The following AP1AR variants were observed in gnomAD, a reference collection of about 807,000 sequenced individuals.
AP1AR encodes adaptor related protein complex 1 associated regulatory protein, also known as AP-1 complex-associated regulatory protein.
AP1AR carries 29 observed loss-of-function variants against 46.3 expected under a neutral mutation model. That is an observed-to-expected ratio of 0.63 (90% confidence interval 0.47 to 0.85). AP1AR has a LOEUF of 0.85. AP1AR is among the 40% of genes least tolerant of loss of function. The pLI is 0.00. For missense variants in AP1AR, 357 were observed against 356.3 expected (o/e 1.00, Z -0.02); for synonymous variants, 122 against 122.9 (o/e 0.99, Z 0.05).
chr4:112,231,801 A>C lies in AP1AR; in HGVS notation c.-291A>C. On this transcript the variant is annotated 5_prime_UTR_variant, in exon 1 of 10. Coordinates refer to ENST00000274000, the MANE Select transcript of AP1AR (RefSeq NM_018569.6). ...TGGAGGCGGTCACTCACGCTGGGCT[A>C]GGAGCTGAGGCGAGAAGGGCCATGC... The C allele has an allele frequency of 3.4e-6, 1 of 297,572 alleles. No individual in the cohort carries two copies. Among genetic ancestry groups the C allele is most frequent in the Non-Finnish European group, 6.2e-6 (1 of 162,234 alleles). The allele number at this position is 297,572 out of a possible 1,614,324, so 18.4% of individuals were successfully genotyped here. A position where few individuals can be genotyped will look rare whatever the true frequency, so the allele number is the denominator to read the frequency against.
intron 1 of AP1AR, among the ~76,000 whole-genome samples, chr4:112,239,712 C>T (rs757300975): frequency 6.6e-6 from 1 of 152,228 alleles, no homozygotes; most frequent in African/African-American, 2.4e-5. Flanking sequence ...GTGTATTCCT[C>T]GTTCACCATT....
At chr4:112,262,786 G>T (rs564516265) in intron 5 of AP1AR, among the ~76,000 whole-genome samples, 4 of 152,296 alleles carry the variant, frequency 2.6e-5, no homozygotes, top group South Asian at 4.1e-4. Flanking sequence ...AAGGAATTCC[G>T]TAATGTGTTT....
At chr4:112,243,628 A>G (rs1304938470) in intron 1 of AP1AR, among the ~76,000 whole-genome samples, 1 of 152,154 alleles carries the variant, frequency 6.6e-6, no homozygotes, top group African/African-American at 2.4e-5. Context: ...ATTCATTTCT[A>G]TTCCTGTGCA....
chr4:112,248,976 T>C (rs1197706943), intron 1 of AP1AR, among the ~76,000 whole-genome samples: 1 of 152,184 alleles, frequency 6.6e-6, no homozygotes, highest in Non-Finnish European at 1.5e-5. Flanking sequence ...AACCGAGAAG[T>C]CTGCCTTGAC....
intron 1 of AP1AR, among the ~76,000 whole-genome samples, chr4:112,244,301 G>A (rs754646111): frequency 6.6e-6 from 1 of 152,116 alleles, no homozygotes; most frequent in African/African-American, 2.4e-5. Flanking sequence ...AATTTTAATG[G>A]AAGAGCAAAG....
chr4:112,258,300 A>C (rs1560610500), intron 4 of AP1AR, among the ~76,000 whole-genome samples: 1 of 152,202 alleles, frequency 6.6e-6, no homozygotes, highest in Non-Finnish European at 1.5e-5. Context: ...ATACAATGTT[A>C]TATTATGAAC....
chr4:112,265,016 G>C lies in AP1AR; in HGVS notation c.389G>C (p.Arg130Thr), dbSNP rs964471374. 4.4e-6 allele frequency: 7 copies of C among 1,598,724 alleles called. No homozygotes were observed. The highest frequency in any genetic ancestry group is 3.6e-5 in the Admixed American group (2 of 56,254). ...TACATTATGTTTCCAAAGCAAGAAAGGCAGAGAATTGTGCAGCAATATCAT... is the reference window on the plus strand; with the variant it reads ...TACATTATGTTTCCAAAGCAAGAAACGCAGAGAATTGTGCAGCAATATCAT... ...AKQRKLLEQE[R>T]QRIVQQYHPS... Residue 130 changes from arginine (R) to threonine (T), a missense_variant, in exon 7 of 10, where the codon AGG (arginine) becomes ACG (threonine). This residue lies in a region of AP1AR where 269 missense variants were observed against 223.6 expected (regional missense o/e 1.20). Transcript: ENST00000274000.
Position 112,257,789 on chromosome 4 carries a change from C to A in AP1AR, c.177C>A (p.Ser59Arg). Residue 59 changes from serine to arginine, a missense_variant, in exon 4 of 10, where the codon AGC becomes AGA. By Grantham distance (110) the Ser-to-Arg change is moderately radical. Around this residue, in one of 2 missense-constraint regions of AP1AR, gnomAD observed 269 missense variants for 223.6 expected, o/e 1.20. Coordinates refer to ENST00000274000, the MANE Select transcript of AP1AR (RefSeq NM_018569.6). ...VESDEGESPG[S>R]SHRPLTEEEI... ...TTGTACAGGGGGAGAGCCCAGGAAG[C>A]AGTCATAGGTAAGGCTTTGTTAAAA... 1 of 1,560,976 alleles carries A rather than the reference C, an allele frequency of 6.4e-7. No homozygotes were observed. Among genetic ancestry groups the A allele is most frequent in the Non-Finnish European group, 8.6e-7 (1 of 1,157,546 alleles).
chr4:112,262,836 C>A, intron 5 of AP1AR, 152 bp from the exon 6 acceptor site: 1 of 606,884 alleles, frequency 1.6e-6, no homozygotes, highest in Non-Finnish European at 2.9e-6. Context: ...AAAATTTAAA[C>A]AATTGCAAAC....
At chr4:112,250,759 T>C (rs1240500996) in intron 1 of AP1AR, among the ~76,000 whole-genome samples, 3 of 152,218 alleles carry the variant, frequency 2.0e-5, no homozygotes, top group Non-Finnish European at 4.4e-5. Context: ...GTGAACAAAG[T>C]CTCAATCTAA....
In AP1AR at chr4:112,266,536, T is replaced by C. The variant is rs200453877; in HGVS notation, c.515-52T>C. 7.8e-5 allele frequency: 121 copies of C among 1,554,942 alleles called. 1 individual carries two copies. The highest frequency in any genetic ancestry group is 1.0e-4 in the Non-Finnish European group (117 of 1,148,086). ...AATTGTTACAAAATAAAACGGCTGT[T>C]GCGGTGGAAGAGTAGATGAGAGTAT... is the stretch of plus-strand genomic sequence containing the variant. On this transcript the variant is annotated intron_variant, in intron 8 of 9. Transcript: ENST00000274000.
Position 112,270,906 on chromosome 4 carries a change from G to A in AP1AR, c.*2497G>A, listed in dbSNP as rs1726920456. 6.6e-6 allele frequency among the ~76,000 whole-genome samples: 1 copy of A among 152,220 alleles called. No homozygotes were observed. The stretch of plus-strand genomic sequence containing the variant: ...TTCAAACGATTGCTTTAGTTGCTGT[G>A]TAGAGAATGGATTGTAAGAAGGCAA... On this transcript the variant is annotated 3_prime_UTR_variant, in exon 10 of 10. Coordinates refer to ENST00000274000, the MANE Select transcript of AP1AR (RefSeq NM_018569.6).
chr4:112,262,158 A>G (rs1726478134), intron 5 of AP1AR, among the ~76,000 whole-genome samples: 1 of 152,002 alleles, frequency 6.6e-6, no homozygotes, highest in African/African-American at 2.4e-5. Context: ...TGCAAGAAAT[A>G]CAAAAATTCA....
At chr4:112,257,866 A>G in intron 4 of AP1AR, 69 bp downstream of exon 4, 1 of 1,345,052 alleles carries the variant, frequency 7.4e-7, no homozygotes, top group Non-Finnish European at 1.0e-6. Flanking sequence ...TTAAGAAGTC[A>G]GGCTTTATCA....
chr4:112,239,639 C>A (rs969603743), intron 1 of AP1AR, among the ~76,000 whole-genome samples: 57 of 152,236 alleles, frequency 3.7e-4, no homozygotes, highest in African/African-American at 1.3e-3. Context: ...ACCCACTTCT[C>A]TCGCTGCTGC....
At chr4:112,265,844 C>T (rs765769313) in intron 8 of AP1AR, 37 bp downstream of exon 8, 3 of 1,307,642 alleles carry the variant, frequency 2.3e-6, no homozygotes, top group African/African-American at 3.0e-5. Flanking sequence ...CTTTTTATGC[C>T]ACAGTAAACA....
At chr4:112,254,803 G>C (rs1726111567) in intron 3 of AP1AR, 30 bp downstream of exon 3, 2 of 1,266,102 alleles carry the variant, frequency 1.6e-6, no homozygotes, top group Non-Finnish European at 2.1e-6. Context: ...TACAAAACTT[G>C]TATTTGTTTT....
chr4:112,249,452 G>C (rs1350130824), intron 1 of AP1AR, among the ~76,000 whole-genome samples: 1 of 151,772 alleles, frequency 6.6e-6, no homozygotes, highest in Non-Finnish European at 1.5e-5. Context: ...CTGAGGTCAG[G>C]AGTTTGAGAC....
rs542911374 is a variant in AP1AR, at chr4:112,253,303, C to T, written c.132+47C>T. ...TGAATTAAAAATGCCTTCAGAAAGG[C>T]GGAAGGGGCTTTTTGTTGTAAAGAG... On this transcript the variant is annotated intron_variant, in intron 2 of 9. Transcript: ENST00000274000. 5.5e-5 allele frequency: 78 copies of T among 1,429,174 alleles called. 1 individual carries two copies. The highest frequency in any genetic ancestry group is 2.7e-4 in the South Asian group (23 of 84,750). 88.5% of individuals were successfully genotyped at this position (1,429,174 alleles called of 1,614,324 possible).
Sources: gnomAD v4.1 joint callset for allele counts (sites outside exome capture counted in the v4.1 genomes callset) on GRCh38, gnomAD v4.1.1 for gene constraint, gnomAD v4.1.1 regional missense constraint, MANE v1.5 for transcripts, NCBI Gene and HGNC (gene_info 2026-07-23, HGNC 2026-07-21) for gene names.